The following PCDHGB2 variants were observed in gnomAD, a reference collection of about 807,000 sequenced individuals.
PCDHGB2 encodes protocadherin gamma-B2.
A neutral mutation model predicts 59.3 loss-of-function variants in PCDHGB2; 55 were observed. The ratio of observed to expected loss-of-function variants is 0.93; its 90% CI spans 0.75 to 1.16. The LOEUF (loss-of-function observed/expected upper bound fraction) is 1.16, where lower values mean the gene tolerates loss of function less well. PCDHGB2 is among the 50% of genes most tolerant of loss of function. The pLI is 0.00. For synonymous variants in PCDHGB2, 516 were observed against 512.0 expected (o/e 1.01, Z -0.11); for missense variants, 1,228 against 1,198.5 (o/e 1.02, Z -0.36).
In PCDHGB2 at chr5:141,431,777, G is replaced by C. The variant is rs151011884; in HGVS notation, c.2422-63030G>C. 1.2e-6 allele frequency: 2 copies of C among 1,614,188 alleles called. No individual in the cohort carries two copies. The highest frequency in any genetic ancestry group is 4.5e-5 in the East Asian group (2 of 44,870). ...CAAAGTCCTGATCACTGTTCTGGAC[G>C]TGAACGACAATGCCCCAGAAGTGGT... On this transcript the variant is annotated intron_variant, in intron 1 of 3. Coordinates refer to ENST00000522605, the MANE Select transcript of PCDHGB2 (RefSeq NM_018923.3). The surrounding 1 kb of genome is among the most constrained non-coding windows in gnomAD (Gnocchi z 4.8).
intron 1 of PCDHGB2, chr5:141,379,377 T>C (rs1263965751): frequency 1.3e-5 from 2 of 152,208 alleles, no homozygotes; most frequent in Non-Finnish European, 2.9e-5. Flanking sequence ...TTTGATAAAA[T>C]AACAATTTTA....
chr5:141,364,913 G>C, intron 1 of PCDHGB2: 5 of 1,613,990 alleles, frequency 3.1e-6, no homozygotes, highest in Non-Finnish European at 4.2e-6. Flanking sequence ...TCCGGAGCTG[G>C]TGTTGGAACA....
intron 1 of PCDHGB2, chr5:141,393,878 A>C: frequency 1.9e-6 from 3 of 1,614,022 alleles, no homozygotes; most frequent in Non-Finnish European, 2.5e-6. Context: ...TGTTTAGCCC[A>C]GTGTTAGAAA....
At chr5:141,383,069 G>C (rs370612007) in intron 1 of PCDHGB2, 5 of 1,613,768 alleles carry the variant, frequency 3.1e-6, no homozygotes, top group Non-Finnish European at 3.4e-6. Flanking sequence ...CTGGAGCCCC[G>C]GGAGCTGGCG....
chr5:141,499,932 C>A (rs1169727162), intron 2 of PCDHGB2, among the ~76,000 whole-genome samples: 1 of 152,076 alleles, frequency 6.6e-6, no homozygotes, highest in Non-Finnish European at 1.5e-5. Context: ...AAGTGATCCA[C>A]CCTCCTCGGC....
At position 141,491,422 on chromosome 5, in the gene PCDHGB2, G is replaced by T. The variant is rs1413549196; in HGVS notation, c.2422-3385G>T. 1 of 1,614,112 alleles carries T rather than the reference G, an allele frequency of 6.2e-7. No homozygotes were observed. The stretch of plus-strand genomic sequence containing the variant: ...AAACGCAGACGGGGACGGGGGTGGA[G>T]GGCAGTGCTGCAGGCGCCAGGACTC... On this transcript the variant is annotated intron_variant, in intron 1 of 3. Coordinates refer to ENST00000522605, the MANE Select transcript of PCDHGB2 (RefSeq NM_018923.3). The surrounding 1 kb of genome is among the most constrained non-coding windows in gnomAD (Gnocchi z 6.9).
chr5:141,491,508 G>T lies in PCDHGB2; in HGVS notation c.2422-3299G>T. 1 of 1,614,030 alleles carries T rather than the reference G, an allele frequency of 6.2e-7. No homozygotes were observed. Among genetic ancestry groups the T allele is most frequent in the Non-Finnish European group, 8.5e-7 (1 of 1,180,014 alleles). ...ACCTGCAGGTGAGCTCGGACGGCACGCTCAAGTACATGGAGGTGACGCTGC... is the reference window on the plus strand; with the variant it reads ...ACCTGCAGGTGAGCTCGGACGGCACTCTCAAGTACATGGAGGTGACGCTGC... On this transcript the variant is annotated intron_variant, in intron 1 of 3. Transcript: ENST00000522605. The surrounding 1 kb of genome is among the most constrained non-coding windows in gnomAD (Gnocchi z 6.9).
chr5:141,376,245 A>T (rs554556778), intron 1 of PCDHGB2: 4 of 1,614,180 alleles, frequency 2.5e-6, no homozygotes, highest in African/African-American at 1.3e-5. Context: ...CGCTGGCACA[A>T]GTCACGCCTG....
chr5:141,395,053 A>T (rs1210765378), intron 1 of PCDHGB2: 1 of 1,614,062 alleles, frequency 6.2e-7, no homozygotes, highest in East Asian at 2.2e-5. Context: ...GAGGAGGTAC[A>T]GGCTTTCCTG....
At chr5:141,400,017 C>T in intron 1 of PCDHGB2, 1 of 1,612,778 alleles carries the variant, frequency 6.2e-7, no homozygotes. Context: ...CCTTGGGCGA[C>T]AGGGACGCGG....
rs773157241 is a variant in PCDHGB2, at chr5:141,370,760, G to A, written c.2421+8204G>A. 7 of 1,613,862 alleles carry A rather than the reference G, an allele frequency of 4.3e-6. No individual in the cohort carries two copies. The Admixed American group carries it at 1.2e-4, about 27-fold the overall frequency. On this transcript the variant is annotated intron_variant, in intron 1 of 3. Coordinates refer to ENST00000522605, the MANE Select transcript of PCDHGB2 (RefSeq NM_018923.3). ...TAAACTTTTTTCATGTAACTGTGCT[G>A]ATCCAGGATATTAACGACAACCCAC...
Position 141,492,511 on chromosome 5 carries a change from C to T in PCDHGB2, c.2422-2296C>T, listed in dbSNP as rs58889912. Among the ~76,000 whole-genome samples the T allele has an allele frequency of 1.7e-3, 262 of 152,326 alleles. 2 individuals are homozygous for T. The highest frequency in any genetic ancestry group is 6.0e-3 in the African/African-American group (249 of 41,582). On this transcript the variant is annotated intron_variant, in intron 1 of 3. Coordinates refer to ENST00000522605, the MANE Select transcript of PCDHGB2 (RefSeq NM_018923.3). Reference sequence around the variant, plus strand: ...CCAGGCGAGGACTCCGGAGCCTCCTCTCACCTCTCCCACCTGCGCCCCGGG... The same window carrying T: ...CCAGGCGAGGACTCCGGAGCCTCCTTTCACCTCTCCCACCTGCGCCCCGGG...
rs1767458792 is a variant in PCDHGB2 at position 141,371,070 on chromosome 5, A to G, written c.2421+8514A>G. ...GGGCGAGCCCTCCAGAAGCTGTACCACCCAGATCAGGGTAATTGTCGCAGA... is the reference window on the plus strand; with the variant it reads ...GGGCGAGCCCTCCAGAAGCTGTACCGCCCAGATCAGGGTAATTGTCGCAGA... On this transcript the variant is annotated intron_variant, in intron 1 of 3. Coordinates refer to ENST00000522605, the MANE Select transcript of PCDHGB2 (RefSeq NM_018923.3). The G allele has an allele frequency of 3.7e-6, 6 of 1,613,796 alleles. No individual in the cohort carries two copies. The highest frequency in any genetic ancestry group is 5.1e-6 in the Non-Finnish European group (6 of 1,179,860).
At position 141,410,612 on chromosome 5, in the gene PCDHGB2, C is replaced by CT. The variant is rs748943892; in HGVS notation, c.2421+48057dup. The CT allele has an allele frequency of 5.6e-6, 9 of 1,605,878 alleles. 1 individual carries two copies. The South Asian group carries it at 9.9e-5, about 18-fold the overall frequency. On this transcript the variant is annotated intron_variant, in intron 1 of 3. Transcript: ENST00000522605. ...GGATTTGACTTCACATCCTGAGACT[C>CT]TGACTTCGGTGAGTTTCTCTTTTTT...
intron 1 of PCDHGB2, among the ~76,000 whole-genome samples, chr5:141,402,192 CTT>C (rs1205831935): frequency 6.6e-6 from 1 of 152,006 alleles, no homozygotes; most frequent in Non-Finnish European, 1.5e-5. Flanking sequence ...ATTAATATTA[CTT>C]TTATAATACA....
At chr5:141,413,115 A>C in intron 1 of PCDHGB2, 1 of 1,507,478 alleles carries the variant, frequency 6.6e-7, no homozygotes, top group Non-Finnish European at 8.9e-7. Context: ...AGACAAAGGA[A>C]CCGGTTGAAA....
chr5:141,387,555 A>G (rs1236867307), intron 1 of PCDHGB2: 10 of 410,246 alleles, frequency 2.4e-5, no homozygotes, highest in Non-Finnish European at 4.3e-5. Flanking sequence ...TCTTTCAGTT[A>G]GGCACACAAT....
At chr5:141,505,977 G>A (rs944259753) in intron 3 of PCDHGB2, among the ~76,000 whole-genome samples, 1 of 152,150 alleles carries the variant, frequency 6.6e-6, no homozygotes, top group East Asian at 1.9e-4. Flanking sequence ...CCAGCCGAGA[G>A]AACACCTCCT....
chr5:141,408,782 T>G (rs1561715407), intron 1 of PCDHGB2: 1 of 1,612,108 alleles, frequency 6.2e-7, no homozygotes, highest in East Asian at 2.2e-5. Flanking sequence ...ATACCCAGAG[T>G]TATCTCTGGA....
Sources: allele counts gnomAD v4.1 joint callset (sites outside exome capture counted in the v4.1 genomes callset), GRCh38; gene constraint gnomAD v4.1.1; non-coding constraint Gnocchi (gnomAD v3.1); transcripts MANE v1.5; gene names NCBI Gene and HGNC (gene_info 2026-07-23, HGNC 2026-07-21).